AGAP1: variants seen among roughly 807,000 people sequenced by gnomAD.
The protein encoded by AGAP1 is ArfGAP with GTPase domain, ankyrin repeat and PH domain 1.
Under a neutral mutation model 105.3 loss-of-function variants are expected in AGAP1, and 29 were observed. The observed-to-expected ratio is 0.28, with a 90% CI of 0.21 to 0.38. AGAP1 has a LOEUF of 0.38. Among genes scored for constraint, AGAP1 ranks in the 10% least tolerant of loss-of-function variants. The pLI is 1.00. For missense variants in AGAP1, 998 were observed against 1,165.1 expected (o/e 0.86, Z 2.09); for synonymous variants, 509 against 485.9 (o/e 1.05, Z -0.63).
At chr2:235,592,054 A>T (rs1945359821) in intron 1 of AGAP1, among the ~76,000 whole-genome samples, 1 of 152,220 alleles carries the variant, frequency 6.6e-6, no homozygotes, top group East Asian at 1.9e-4. Flanking sequence ...GCATTCCTTT[A>T]TAGCAACGCA....
chr2:235,589,189 G>GTTTTTTTTTTTTTTTTT (rs1205771315), intron 1 of AGAP1, among the ~76,000 whole-genome samples: 1 of 54,926 alleles, frequency 1.8e-5, no homozygotes, highest in South Asian at 6.3e-4. Context: ...ATAGCTTATT[G>GTTTTTTTTTTTTTTTTT]TTTTGTTTTT....
intron 16 of AGAP1, among the ~76,000 whole-genome samples, chr2:236,066,335 C>G (rs1168968694): frequency 6.6e-6 from 1 of 152,222 alleles, no homozygotes; most frequent in Non-Finnish European, 1.5e-5. Flanking sequence ...AAGTGATTCT[C>G]CTGCCTCAGC....
intron 13 of AGAP1, among the ~76,000 whole-genome samples, chr2:236,034,785 C>T (rs1291575339): frequency 6.6e-6 from 1 of 152,236 alleles, no homozygotes; most frequent in Non-Finnish European, 1.5e-5. Flanking sequence ...CACTTTCCTG[C>T]AGCCCCCAGA....
rs574084450 is a variant in AGAP1 at position 235,522,540 on chromosome 2, C to T, written c.163+27691C>T. 5.3e-5 allele frequency among the ~76,000 whole-genome samples: 8 copies of T among 152,192 alleles called. No individual in the cohort carries two copies. The South Asian group carries it at 1.0e-3, about 20-fold the overall frequency. ...AGCCAAGCTGGGGAGGGAAGGAAGA[C>T]GGCTCATGAGGAAGGCCAGGTTTTT... On this transcript the variant is annotated intron_variant, in intron 1 of 17. Transcript: ENST00000304032.
rs918579050 is a variant in AGAP1 at position 235,787,231 on chromosome 2, G to A, written c.674-10528G>A. On this transcript the variant is annotated intron_variant, in intron 6 of 17. Coordinates refer to ENST00000304032, the MANE Select transcript of AGAP1 (RefSeq NM_001037131.3). The surrounding 1 kb of genome is among the most constrained non-coding windows in gnomAD (Gnocchi z 4.4). Reference sequence around the variant, plus strand: ...TGGCTGCTGCTTCCAAACCATGTGGGTTTCCTATGTCATGAAAGCTTTTCT... The same window carrying A: ...TGGCTGCTGCTTCCAAACCATGTGGATTTCCTATGTCATGAAAGCTTTTCT... Among the ~76,000 whole-genome samples, 1 of 152,208 alleles carries A rather than the reference G, an allele frequency of 6.6e-6. No homozygotes were observed. The highest frequency in any genetic ancestry group is 6.5e-5 in the Admixed American group (1 of 15,290).
chr2:236,059,750 G>T (rs2058139752), intron 16 of AGAP1, among the ~76,000 whole-genome samples: 1 of 152,186 alleles, frequency 6.6e-6, no homozygotes, highest in South Asian at 2.1e-4. Flanking sequence ...AGGAAGTGGT[G>T]CTGGGACAAC....
At chr2:235,798,213 G>A (rs2150044300) in intron 7 of AGAP1, among the ~76,000 whole-genome samples, 1 of 152,284 alleles carries the variant, frequency 6.6e-6, no homozygotes, top group East Asian at 1.9e-4. Context: ...AGGTTGAACA[G>A]TTGTGAGTAA....
At chr2:235,805,090 G>T (rs1282681498) in intron 8 of AGAP1, among the ~76,000 whole-genome samples, 2 of 152,242 alleles carry the variant, frequency 1.3e-5, no homozygotes, top group African/African-American at 2.4e-5. Context: ...CAAACTAATT[G>T]TGGGGCTGAG....
In AGAP1 at chr2:236,078,061, G is replaced by GTC. The variant is rs1245794229; in HGVS notation, c.2114+28781_2114+28782insCT. On this transcript the variant is annotated intron_variant, in intron 16 of 17. Coordinates refer to ENST00000304032, the MANE Select transcript of AGAP1 (RefSeq NM_001037131.3). This position sits in a 1 kb window ranked among gnomAD's most constrained non-coding sequence, Gnocchi z 5.3. ...TTTGTGTGTGTGTGTGTGTGTGTGT[G>GTC]TGTGTGTGTGTGTAATCTGAAGTGT... Among the ~76,000 whole-genome samples, 10 of 149,568 alleles carry GTC rather than the reference G, an allele frequency of 6.7e-5. No homozygotes were observed. The highest frequency in any genetic ancestry group is 1.2e-4 in the Non-Finnish European group (8 of 67,884).
At chr2:235,561,485 C>T (rs1467265620) in intron 1 of AGAP1, among the ~76,000 whole-genome samples, 2 of 152,118 alleles carry the variant, frequency 1.3e-5, no homozygotes, top group Non-Finnish European at 2.9e-5. Context: ...TCTCCTGCTT[C>T]CTCTGGCTGC....
chr2:235,942,081 C>T (rs1364818937), intron 12 of AGAP1, among the ~76,000 whole-genome samples: 1 of 152,160 alleles, frequency 6.6e-6, no homozygotes, highest in Non-Finnish European at 1.5e-5. Context: ...AAGCTCATAT[C>T]CCCAGCCATG....
rs193046109 is a variant in AGAP1, at chr2:235,733,304, C to T, written c.311-7659C>T. 4.6e-5 allele frequency among the ~76,000 whole-genome samples: 7 copies of T among 152,308 alleles called. No homozygotes were observed. In the East Asian group the frequency reaches 5.8e-4, roughly 13 times the overall value. On this transcript the variant is annotated intron_variant, in intron 3 of 17. Transcript: ENST00000304032. The surrounding 1 kb of genome is among the most constrained non-coding windows in gnomAD (Gnocchi z 5.0). Reference sequence around the variant, plus strand: ...TTATTTCCATTCCTCAGTCAGGAGACGAAAAAGATGAGGCCACGGCTGCCC... The same window carrying T: ...TTATTTCCATTCCTCAGTCAGGAGATGAAAAAGATGAGGCCACGGCTGCCC...
intron 1 of AGAP1, among the ~76,000 whole-genome samples, chr2:235,607,391 A>G (rs1001427994): frequency 1.3e-5 from 2 of 152,232 alleles, no homozygotes; most frequent in African/African-American, 4.8e-5. Flanking sequence ...GTGGAAATCT[A>G]GCTATTATAC....
chr2:235,996,317 A>C (rs534326415), intron 13 of AGAP1, among the ~76,000 whole-genome samples: 1 of 152,146 alleles, frequency 6.6e-6, no homozygotes, highest in South Asian at 2.1e-4. Flanking sequence ...AATTAGGCCA[A>C]ACTCGCCTCC....
rs1168962736 is a variant in AGAP1 at position 236,044,418 on chromosome 2, T to C, written c.1891+3577T>C. Reference sequence around the variant, plus strand: ...ACAGGCCCTGAGAGGCAGCTCACCGTTTCTGCTGCTTTCTCTCTGCCCATC... The same window carrying C: ...ACAGGCCCTGAGAGGCAGCTCACCGCTTCTGCTGCTTTCTCTCTGCCCATC... On this transcript the variant is annotated intron_variant, in intron 15 of 17. Coordinates refer to ENST00000304032, the MANE Select transcript of AGAP1 (RefSeq NM_001037131.3). This position sits in a 1 kb window ranked among gnomAD's most constrained non-coding sequence, Gnocchi z 5.7. Among the ~76,000 whole-genome samples the C allele has an allele frequency of 6.6e-6, 1 of 152,102 alleles. No homozygotes were observed. The highest frequency in any genetic ancestry group is 1.5e-5 in the Non-Finnish European group (1 of 68,018).
Position 235,725,073 on chromosome 2 carries a change from G to C in AGAP1, c.310+7429G>C, listed in dbSNP as rs1226951737. ...AGGGTTCTGGGATTTTCCACTGTGT[G>C]TTTGGTTTCTGTTGCTTGTTCCAAG... On this transcript the variant is annotated intron_variant, in intron 3 of 17. Transcript: ENST00000304032. The surrounding 1 kb of genome is among the most constrained non-coding windows in gnomAD (Gnocchi z 5.7). 1.3e-5 allele frequency among the ~76,000 whole-genome samples: 2 copies of C among 152,162 alleles called. No individual in the cohort carries two copies. Among genetic ancestry groups the C allele is most frequent in the Non-Finnish European group, 2.9e-5 (2 of 68,028 alleles).
At chr2:235,602,065 C>A (rs1026521780) in intron 1 of AGAP1, among the ~76,000 whole-genome samples, 1 of 152,228 alleles carries the variant, frequency 6.6e-6, no homozygotes, top group African/African-American at 2.4e-5. Context: ...ACTATGACCT[C>A]CAGGGCCGCA....
intron 12 of AGAP1, among the ~76,000 whole-genome samples, chr2:235,954,132 G>A (rs1353610285): frequency 2.0e-5 from 3 of 151,962 alleles, no homozygotes; most frequent in Non-Finnish European, 2.9e-5. Context: ...CCAGCTACTC[G>A]GGAGGCTGAG....
rs1255538287 is a variant in AGAP1 at position 236,040,242 on chromosome 2, C to T, written c.1801-509C>T. 6.6e-6 allele frequency among the ~76,000 whole-genome samples: 1 copy of T among 152,204 alleles called. No homozygotes were observed. The highest frequency in any genetic ancestry group is 6.5e-5 in the Admixed American group (1 of 15,284). On this transcript the variant is annotated intron_variant, in intron 14 of 17. Coordinates refer to ENST00000304032, the MANE Select transcript of AGAP1 (RefSeq NM_001037131.3). This position sits in a 1 kb window ranked among gnomAD's most constrained non-coding sequence, Gnocchi z 5.6. ...CTGGCGAGTGGCTTTGTCACTGTGG[C>T]AACCGAGGGTCTTCAGATGACATGT...
Sources: allele counts gnomAD v4.1 joint callset (sites outside exome capture counted in the v4.1 genomes callset), GRCh38; gene constraint gnomAD v4.1.1; non-coding constraint Gnocchi (gnomAD v3.1); transcripts MANE v1.5; gene names NCBI Gene and HGNC (gene_info 2026-07-23, HGNC 2026-07-21).